The following KDM2B variants were observed in gnomAD, a reference collection of about 807,000 sequenced individuals.
The protein encoded by KDM2B is lysine demethylase 2B.
Under a neutral mutation model 150.0 loss-of-function variants are expected in KDM2B, and 26 were observed. That is an observed-to-expected ratio of 0.17 (90% CI 0.13 to 0.24). The LOEUF is 0.24. Ranked by LOEUF, KDM2B falls within the 10% of genes least tolerant of loss-of-function variation. The pLI, the probability that KDM2B is intolerant of heterozygous loss-of-function variation, is 1.00. For missense variants in KDM2B, 1,265 were observed against 1,816.9 expected (o/e 0.70, Z 5.52); for synonymous variants, 734 against 729.5 (o/e 1.01, Z -0.10).
intron 12 of KDM2B, chr12:121,494,049 G>C (rs1883646641): frequency 6.5e-6 from 1 of 154,712 alleles, no homozygotes; most frequent in Non-Finnish European, 1.4e-5. Flanking sequence ...GTAGAGACGG[G>C]GTTTTGCCAT....
chr12:121,472,376 T>C (rs782790348), intron 12 of KDM2B, among the ~76,000 whole-genome samples: 3 of 152,240 alleles, frequency 2.0e-5, no homozygotes, highest in Non-Finnish European at 2.9e-5. Context: ...TGGATAAAAC[T>C]GTAATTCGAA....
At chr12:121,464,571 G>A (rs943593165) in intron 12 of KDM2B, among the ~76,000 whole-genome samples, 2 of 152,238 alleles carry the variant, frequency 1.3e-5, no homozygotes, top group Non-Finnish European at 2.9e-5. Context: ...CACAGGCTCG[G>A]AAGGTGGAGC....
chr12:121,566,868 C>T (rs1471585594), intron 4 of KDM2B, among the ~76,000 whole-genome samples: 1 of 152,104 alleles, frequency 6.6e-6, no homozygotes, highest in East Asian at 1.9e-4. Flanking sequence ...AAAAGACAAG[C>T]CACAAAGTGG....
At chr12:121,572,345 C>T (rs537398122) in intron 4 of KDM2B, among the ~76,000 whole-genome samples, 3 of 152,352 alleles carry the variant, frequency 2.0e-5, no homozygotes, top group South Asian at 4.1e-4. Context: ...CCTACAGGAA[C>T]CTGGGAGGCC....
the KDM2B span, chr12:121,423,329 TG>T: frequency 1.4e-6 from 2 of 1,421,758 alleles, no homozygotes; most frequent in Non-Finnish European, 1.9e-6. This position sits in a 1 kb window ranked among gnomAD's most constrained non-coding sequence, Gnocchi z 4.3. Flanking sequence ...ACTGGGAGGG[TG>T]GCTGGCTGAC....
intron 4 of KDM2B, among the ~76,000 whole-genome samples, chr12:121,555,043 G>A (rs187788457): frequency 3.3e-5 from 5 of 152,210 alleles, no homozygotes; most frequent in Admixed American, 3.3e-4. Context: ...AAAATTATCT[G>A]TGCATGTTGG....
intron 12 of KDM2B, among the ~76,000 whole-genome samples, chr12:121,484,031 A>C (rs1882464149): frequency 1.3e-5 from 2 of 152,056 alleles, no homozygotes; most frequent in Non-Finnish European, 2.9e-5. Flanking sequence ...CACACAATAG[A>C]GATGTGGTCT....
chr12:121,408,998 G>GTC, the KDM2B span, among the ~76,000 whole-genome samples: 3 of 151,474 alleles, frequency 2.0e-5, no homozygotes, highest in Non-Finnish European at 4.4e-5. Flanking sequence ...TTGAGATGGA[G>GTC]TCTTGCTCGG....
chr12:121,561,996 AC>A (rs1890371909), intron 4 of KDM2B, among the ~76,000 whole-genome samples: 1 of 152,058 alleles, frequency 6.6e-6, no homozygotes. Context: ...ACATGGCGAA[AC>A]CCTGTCTCTA....
At chr12:121,415,397 G>T in the KDM2B span, 2 of 260,938 alleles carry the variant, frequency 7.7e-6, no homozygotes, top group Admixed American at 3.9e-5. Context: ...AAGGTAGGCA[G>T]ATCACTTGAG....
intron 4 of KDM2B, among the ~76,000 whole-genome samples, chr12:121,561,397 CA>C (rs1233361443): frequency 1.3e-5 from 2 of 152,154 alleles, no homozygotes; most frequent in Non-Finnish European, 2.9e-5. Context: ...CACTGATTAG[CA>C]AGAGCACTGG....
At chr12:121,447,715 G>A (rs1277864208) in intron 13 of KDM2B, among the ~76,000 whole-genome samples, 1 of 151,738 alleles carries the variant, frequency 6.6e-6, no homozygotes, top group Non-Finnish European at 1.5e-5. Context: ...CCAGTCTGGA[G>A]TGCAGTGACA....
chr12:121,580,845 T>G lies in KDM2B; in HGVS notation c.67A>C (p.Lys23Gln). ...HPPRKRHAAE[K>Q]QKKKTVIYTK... ...TATATAACTGTTTTCTTTTTTTGCTTTTCTGCTGCATGTCTTTTTCGTGGG... is the reference window on the plus strand; with the variant it reads ...TATATAACTGTTTTCTTTTTTTGCTGTTCTGCTGCATGTCTTTTTCGTGGG... The change falls in exon 1 of 23, where the codon AAG becomes CAG. Residue 23 changes from lysine to glutamine, a missense_variant. By Grantham distance (53) the Lys-to-Gln change is moderately conservative. Coordinates refer to ENST00000377071, the MANE Select transcript of KDM2B (RefSeq NM_032590.5). 6.2e-7 allele frequency: 1 copy of G among 1,614,196 alleles called. No homozygotes were observed. Among genetic ancestry groups the G allele is most frequent in the Non-Finnish European group, 8.5e-7 (1 of 1,180,024 alleles).
At chr12:121,548,848 A>G (rs782618206) in intron 6 of KDM2B, 29 bp downstream of exon 6, 19 of 1,572,514 alleles carry the variant, frequency 1.2e-5, no homozygotes, top group Non-Finnish European at 5.3e-6. Context: ...CAACCCTGCC[A>G]GCTCTGGCCA....
intron 12 of KDM2B, among the ~76,000 whole-genome samples, chr12:121,472,369 A>G (rs1029566395): frequency 2.6e-5 from 4 of 152,228 alleles, no homozygotes; most frequent in African/African-American, 9.6e-5. Flanking sequence ...GGCTACCTGG[A>G]TAAAACTGTA....
chr12:121,425,030 G>A (rs1872444252), downstream of KDM2B, among the ~76,000 whole-genome samples: 1 of 152,152 alleles, frequency 6.6e-6, no homozygotes, highest in Non-Finnish European at 1.5e-5. Context: ...GAGAAACTTG[G>A]GCCAGGTGTG....
At chr12:121,573,164 G>A (rs1891242982) in intron 4 of KDM2B, among the ~76,000 whole-genome samples, 1 of 141,736 alleles carries the variant, frequency 7.1e-6, no homozygotes. Context: ...TCACTATGTT[G>A]CCCAGGCTGG....
At chr12:121,534,826 G>A (rs1378485150) in intron 6 of KDM2B, among the ~76,000 whole-genome samples, 4 of 152,172 alleles carry the variant, frequency 2.6e-5, no homozygotes, top group African/African-American at 9.7e-5. Context: ...GGCTGGGAGT[G>A]ATACACTTGT....
At chr12:121,506,964 G>A (rs1885134302) in intron 11 of KDM2B, among the ~76,000 whole-genome samples, 1 of 151,876 alleles carries the variant, frequency 6.6e-6, no homozygotes, top group Non-Finnish European at 1.5e-5. Context: ...CGGCGAGGTG[G>A]CGGGCACCTG....
Sources: gnomAD v4.1 joint callset for allele counts (sites outside exome capture counted in the v4.1 genomes callset) on GRCh38, gnomAD v4.1.1 for gene constraint, Gnocchi (gnomAD v3.1) non-coding constraint, MANE v1.5 for transcripts, NCBI Gene and HGNC (gene_info 2026-07-23, HGNC 2026-07-21) for gene names.